KLC1: variants seen among roughly 807,000 people sequenced by gnomAD.
The protein encoded by KLC1 is kinesin light chain 1.
In KLC1, 30 loss-of-function variants were observed where a neutral mutation model predicts 84.2. The observed-to-expected ratio is 0.36, with a 90% CI of 0.27 to 0.48. KLC1 has a LOEUF of 0.48. Ranked by LOEUF, KLC1 falls within the 20% of genes least tolerant of loss-of-function variation. The pLI is 0.99. For synonymous variants in KLC1, 289 were observed against 293.3 expected (o/e 0.99, Z 0.15); for missense variants, 499 against 805.4 (o/e 0.62, Z 4.60).
At chr14:103,665,561 A>G (rs1489842748) in intron 5 of KLC1, among the ~76,000 whole-genome samples, 1 of 151,848 alleles carries the variant, frequency 6.6e-6, no homozygotes, top group African/African-American at 2.4e-5. Context: ...CAGCCTCCCA[A>G]GTAGCTGGGA....
chr14:103,660,655 G>A (rs1164485852), intron 3 of KLC1, among the ~76,000 whole-genome samples: 41 of 151,888 alleles, frequency 2.7e-4, no homozygotes, highest in Admixed American at 2.7e-3. Flanking sequence ...AGCTGGGTGT[G>A]GTAGAGTGCA....
chr14:103,691,458 C>CTTTTT (rs71126053), intron 14 of KLC1, among the ~76,000 whole-genome samples: 4 of 68,832 alleles, frequency 5.8e-5, no homozygotes, highest in African/African-American at 1.3e-4. Context: ...CCACGCCTGG[C>CTTTTT]TTTTTTTTTT....
intron 1 of KLC1, among the ~76,000 whole-genome samples, chr14:103,646,324 G>A (rs1390580566): frequency 6.6e-6 from 1 of 152,076 alleles, no homozygotes; most frequent in African/African-American, 2.4e-5. Flanking sequence ...TTCTGAGACA[G>A]TCTTGCTTGC....
rs2079348869 is a variant in KLC1 at position 103,662,152 on chromosome 14, G to C, written c.529G>C (p.Asp177His). 1 of 1,613,906 alleles carries C rather than the reference G, an allele frequency of 6.2e-7. No individual in the cohort carries two copies. The highest frequency in any genetic ancestry group is 8.5e-7 in the Non-Finnish European group (1 of 1,179,942). Residue 177 changes from aspartate to histidine, a missense_variant, in exon 4 of 17, where the codon GAT becomes CAT. Physicochemically the swap from Asp to His is moderately conservative, Grantham distance 81. This residue lies in a region of KLC1 where 179 missense variants were observed against 264.2 expected (regional missense o/e 0.68). Transcript: ENST00000334553. The part of the protein sequence containing the change: ...KDTDSTKEPL[D>H]DLFPNDEDDP... The stretch of plus-strand genomic sequence containing the variant: ...CACTGATTCTACCAAAGAGCCTCTG[G>C]ATGACCTTTTCCCCAATGATGAAGA...
rs373766770 is a variant in KLC1 at position 103,654,593 on chromosome 14, A to G, written c.29A>G (p.Tyr10Cys). MYDNMSTMV[Y>C]IKEDKLEKLT... ...TATGACAACATGTCCACAATGGTGT[A>G]CATAAAGGAAGACAAGTTGGAGAAG... Residue 10 changes from tyrosine (Y) to cysteine (C), a missense_variant, in exon 2 of 17, where the codon TAC becomes TGC. Physicochemically the swap from Tyr to Cys is radical, Grantham distance 194. This residue lies in a region of KLC1 where 179 missense variants were observed against 264.2 expected (regional missense o/e 0.68). Transcript: ENST00000334553. 1.4e-5 allele frequency: 23 copies of G among 1,613,876 alleles called. No homozygotes were observed. The African/African-American group carries it at 2.9e-4, about 21-fold the overall frequency.
chr14:103,633,797 T>C (rs2076861457), intron 1 of KLC1, among the ~76,000 whole-genome samples: 1 of 152,146 alleles, frequency 6.6e-6, no homozygotes, highest in Non-Finnish European at 1.5e-5. Flanking sequence ...CCCCACATAC[T>C]CCTTAGCCTC....
intron 13 of KLC1, chr14:103,685,220 G>C (rs2081688489): frequency 7.1e-7 from 1 of 1,417,220 alleles, no homozygotes. Flanking sequence ...TAAAGTTTCT[G>C]AAATGTCTAA....
chr14:103,689,554 C>A (rs1361988373), intron 14 of KLC1, among the ~76,000 whole-genome samples: 3 of 152,298 alleles, frequency 2.0e-5, no homozygotes, highest in African/African-American at 7.2e-5. Flanking sequence ...TCTCAGACAT[C>A]TTTTGGAGGG....
Position 103,670,182 on chromosome 14 carries a change from G to A in KLC1, c.886G>A (p.Val296Met). Residue 296 changes from valine to methionine, a missense_variant and splice_region_variant, in exon 7 of 17, where the codon GTG becomes ATG. This residue lies in a region of KLC1 where 153 missense variants were observed against 332.4 expected (regional missense o/e 0.46). Coordinates refer to ENST00000334553, the MANE Select transcript of KLC1 (RefSeq NM_001394837.1). The part of the protein sequence containing the change: ...EKTLGKDHPA[V>M]AATLNNLAVL... ...TTAGTGGTTCTCTCTGTGTTGACAGGTGGCGGCGACTTTGAATAACCTTGC... is the reference window on the plus strand; with the variant it reads ...TTAGTGGTTCTCTCTGTGTTGACAGATGGCGGCGACTTTGAATAACCTTGC... The A allele has an allele frequency of 6.2e-7, 1 of 1,609,830 alleles. No individual in the cohort carries two copies.
intron 1 of KLC1, among the ~76,000 whole-genome samples, chr14:103,633,483 G>A (rs949451745): frequency 6.6e-6 from 1 of 152,148 alleles, no homozygotes; most frequent in Admixed American, 6.6e-5. Flanking sequence ...GCAAGCCTCA[G>A]GATTAGGGCA....
intron 15 of KLC1, chr14:103,697,901 G>A (rs1490679076): frequency 1.3e-5 from 2 of 152,298 alleles, no homozygotes; most frequent in African/African-American, 4.8e-5. Context: ...AGGTGGCCCT[G>A]CCAGGAGTCC....
intron 15 of KLC1, chr14:103,695,059 G>T (rs1392100394): frequency 1.0e-6 from 1 of 985,256 alleles, no homozygotes; most frequent in Middle Eastern, 5.2e-4. Context: ...GCAGATTCTG[G>T]TGGATCAGGA....
chr14:103,659,791 G>C (rs931581018), intron 3 of KLC1, among the ~76,000 whole-genome samples: 2 of 152,010 alleles, frequency 1.3e-5, no homozygotes, highest in Admixed American at 6.6e-5. Flanking sequence ...CAAATACCAC[G>C]GGCTGGATGG....
chr14:103,700,070 C>A (rs988163698), intron 15 of KLC1: 6 of 230,362 alleles, frequency 2.6e-5, no homozygotes, highest in Non-Finnish European at 4.4e-5. Context: ...CTCAGCAAGG[C>A]AGGGGCCTGA....
chr14:103,694,837 A>G lies in KLC1; in HGVS notation c.1848+2412A>G. On this transcript the variant is annotated intron_variant, in intron 15 of 16. Transcript: ENST00000334553. The surrounding 1 kb of genome is among the most constrained non-coding windows in gnomAD (Gnocchi z 4.5). ...ACAGAGTGTCCTGAGGTTTTGTTAC[A>G]AGGCTAGACTTTAAAATACCTTTCA... The G allele has an allele frequency of 2.0e-6, 2 of 985,480 alleles. No homozygotes were observed. Among genetic ancestry groups the G allele is most frequent in the Non-Finnish European group, 2.4e-6 (2 of 829,940 alleles). 61.0% of individuals were successfully genotyped at this position (985,480 alleles called of 1,614,324 possible).
At position 103,694,674 on chromosome 14, in the gene KLC1, G is replaced by T. The variant is rs548489040; in HGVS notation, c.1848+2249G>T. On this transcript the variant is annotated intron_variant, in intron 15 of 16. Coordinates refer to ENST00000334553, the MANE Select transcript of KLC1 (RefSeq NM_001394837.1). The surrounding 1 kb of genome is among the most constrained non-coding windows in gnomAD (Gnocchi z 4.5). The stretch of plus-strand genomic sequence containing the variant: ...GCCAACTAGGCTACGGGATGGAGGG[G>T]CGGTCTGTGAAACACCAGCCATCCC... The T allele has an allele frequency of 4.1e-6, 4 of 985,476 alleles. No individual in the cohort carries two copies. In the East Asian group the frequency reaches 4.5e-4, roughly 112 times the overall value. 61.0% of individuals were successfully genotyped at this position (985,476 alleles called of 1,614,324 possible).
intron 1 of KLC1, among the ~76,000 whole-genome samples, chr14:103,649,297 T>C (rs2078198686): frequency 6.6e-6 from 1 of 151,750 alleles, no homozygotes; most frequent in South Asian, 2.1e-4. Flanking sequence ...AAAACCACAA[T>C]ACTATATAAT....
At chr14:103,636,936 A>C (rs1447723245) in intron 1 of KLC1, among the ~76,000 whole-genome samples, 8 of 149,822 alleles carry the variant, frequency 5.3e-5, no homozygotes, top group Non-Finnish European at 7.4e-5. Context: ...TCACCATGTT[A>C]GCCAGGATGG....
intron 12 of KLC1, 151 bp from the exon 13 acceptor site, chr14:103,679,233 C>A: frequency 1.0e-6 from 1 of 996,272 alleles, no homozygotes; most frequent in Non-Finnish European, 1.5e-6. Context: ...CCTCCACCCT[C>A]ACCCCCTCCA....
Sources: gnomAD v4.1 joint callset for allele counts (sites outside exome capture counted in the v4.1 genomes callset) on GRCh38, gnomAD v4.1.1 for gene constraint, gnomAD v4.1.1 regional missense constraint, Gnocchi (gnomAD v3.1) non-coding constraint, MANE v1.5 for transcripts, NCBI Gene and HGNC (gene_info 2026-07-23, HGNC 2026-07-21) for gene names.